Variants in POMGNT1 observed in about 807,000 individuals in gnomAD.
The protein encoded by POMGNT1 is protein O-linked mannose N-acetylglucosaminyltransferase 1 (beta 1,2-).
POMGNT1 carries 67 observed loss-of-function variants against 95.6 expected under a neutral mutation model. That is an observed-to-expected ratio of 0.70 (90% CI 0.58 to 0.86). The LOEUF (loss-of-function observed/expected upper bound fraction) is 0.86. POMGNT1 is among the 40% of genes least tolerant of loss of function. The pLI, the probability that POMGNT1 is intolerant of heterozygous loss-of-function variation, is 0.00. For missense variants in POMGNT1, 719 were observed against 855.2 expected, an observed-to-expected ratio of 0.84 and a Z score of 1.99; for synonymous variants, 298 against 317.9, an observed-to-expected ratio of 0.94 and a Z score of 0.66.
chr1:46,220,103 C>T (rs74072328), exon 1 of POMGNT1: 261 of 1,614,158 alleles, frequency 1.6e-4, no homozygotes, highest in African/African-American at 8.8e-4. Context: ...TGTGGAAGCC[C>T]CCAGGGGAGA....
At position 46,194,265 on chromosome 1, in the gene POMGNT1, C is replaced by A. The variant is rs1413491009; in HGVS notation, c.879+9G>T. The stretch of plus-strand genomic sequence containing the variant: ...AGTCCAAACCTCACTGTCTTAAGGC[C>A]CCACTCACTGGGTCAGGGCTGAACT... On this transcript the variant is annotated intron_variant, in intron 9 of 21. Coordinates refer to ENST00000371984, the MANE Select transcript of POMGNT1 (RefSeq NM_017739.4). 6.2e-7 allele frequency: 1 copy of A among 1,614,182 alleles called. No individual in the cohort carries two copies. The highest frequency in any genetic ancestry group is 1.3e-5 in the African/African-American group (1 of 75,046).
In POMGNT1 at chr1:46,193,345, T is replaced by A. The variant is rs374871234; in HGVS notation, c.1070A>T (p.Gln357Leu). 1.1e-4 allele frequency: 175 copies of A among 1,613,444 alleles called. No individual in the cohort carries two copies. Among genetic ancestry groups the A allele is most frequent in the African/African-American group, 4.0e-5 (3 of 74,902 alleles). ...ATTCTTGATGCTGATGGGAGTATGC[T>A]GGATGCCCCTCAGACCAAACAGTGC... ...VVALFGLRGIQHTPISIKNAR... is the reference protein window; with the variant it reads ...VVALFGLRGILHTPISIKNAR... Residue 357 changes from glutamine (Q) to leucine (L), a missense_variant, in exon 12 of 22, where the codon CAG becomes CTG. This residue lies in a region of POMGNT1 where 466 missense variants were observed against 517.4 expected (regional missense o/e 0.90). Transcript: ENST00000371984.
chr1:46,193,726 T>G, intron 10 of POMGNT1, 87 bp from the exon 11 acceptor site: 1 of 1,603,850 alleles, frequency 6.2e-7, no homozygotes, highest in Non-Finnish European at 8.5e-7. Flanking sequence ...AGAGTCCCTA[T>G]GCTTACCCAC....
chr1:46,203,516 G>T, intron 1 of POMGNT1: 2 of 1,561,080 alleles, frequency 1.3e-6, no homozygotes, highest in Non-Finnish European at 1.7e-6. Flanking sequence ...TGCTCCGCGG[G>T]CTGCGAGGCG....
upstream of POMGNT1, among the ~76,000 whole-genome samples, chr1:46,201,697 CAA>C (rs59930051): frequency 0.11 from 9,489 of 85,696 alleles, 270 homozygotes; most frequent in South Asian, 0.15. Context: ...GACTCCATCT[CAA>C]AAAAAAAAAA....
chr1:46,189,226 TG>T lies in POMGNT1; in HGVS notation c.*43del. On this transcript the variant is annotated 3_prime_UTR_variant, in exon 22 of 22. Transcript: ENST00000371984. ...GGATGGAGGGAAGGGCTAGCCAGCC[TG>T]GGGGTACACAGTACCCAGCCCCGCA... The T allele has an allele frequency of 2.5e-6, 4 of 1,586,286 alleles. No individual in the cohort carries two copies. Among genetic ancestry groups the T allele is most frequent in the Non-Finnish European group, 3.4e-6 (4 of 1,169,084 alleles).
intron 1 of POMGNT1, chr1:46,203,477 TA>T: frequency 6.6e-7 from 1 of 1,507,002 alleles, no homozygotes; most frequent in Admixed American, 2.2e-5. Flanking sequence ...ATGTGGAGGG[TA>T]AGGTGGGCAG....
At chr1:46,206,410 GC>G (rs1233620195) in intron 1 of POMGNT1, among the ~76,000 whole-genome samples, 2 of 152,102 alleles carry the variant, frequency 1.3e-5, no homozygotes, top group Admixed American at 6.5e-5. Flanking sequence ...TTTATATTGA[GC>G]AATGAGGAAA....
Position 46,193,548 on chromosome 1 carries a change from C to A in POMGNT1, c.1026+16G>T. ...ATGTTGTACTCCACCCGAGGCACCC[C>A]CCAAGTCCTGCTCACCTCATAGTAG... On this transcript the variant is annotated intron_variant, in intron 11 of 21. Coordinates refer to ENST00000371984, the MANE Select transcript of POMGNT1 (RefSeq NM_017739.4). 1 of 1,614,194 alleles carries A rather than the reference C, an allele frequency of 6.2e-7. No homozygotes were observed. Among genetic ancestry groups the A allele is most frequent in the East Asian group, 2.2e-5 (1 of 44,882 alleles).
chr1:46,202,985 T>G (rs114864376), upstream of POMGNT1, among the ~76,000 whole-genome samples: 711 of 147,582 alleles, frequency 4.8e-3, 4 homozygotes, highest in Middle Eastern at 0.035. Flanking sequence ...CATCGTTTTA[T>G]ACCCAATTCC....
chr1:46,197,379 G>A, intron 2 of POMGNT1: 1 of 1,483,422 alleles, frequency 6.7e-7, no homozygotes, highest in South Asian at 1.2e-5. Context: ...TTCTAGAGAT[G>A]GAGCCAGGCC....
At chr1:46,208,718 G>C (rs903960450) in intron 1 of POMGNT1, among the ~76,000 whole-genome samples, 1 of 152,092 alleles carries the variant, frequency 6.6e-6, no homozygotes, top group Admixed American at 6.6e-5. Flanking sequence ...TGGTGCACCT[G>C]TAATCCCAGC....
chr1:46,202,008 TTACTCC>T (rs1179839102), upstream of POMGNT1, among the ~76,000 whole-genome samples: 2 of 151,068 alleles, frequency 1.3e-5, no homozygotes, highest in Non-Finnish European at 2.9e-5. Context: ...AAGAGGATAG[TTACTCC>T]TACCCTACCC....
intron 12 of POMGNT1, 25 bp downstream of exon 12, chr1:46,193,280 C>G (rs1657937472): frequency 6.2e-7 from 1 of 1,613,808 alleles, no homozygotes; most frequent in Non-Finnish European, 8.5e-7. Context: ...GGTGTCTGCC[C>G]CATCCCCACT....
upstream of POMGNT1, chr1:46,203,360 A>G: frequency 7.2e-7 from 1 of 1,394,168 alleles, no homozygotes; most frequent in South Asian, 1.6e-5. Context: ...AGCAGCGGCG[A>G]AGGGAGGACC....
At chr1:46,197,979 T>A in intron 1 of POMGNT1, 108 bp from the exon 2 acceptor site, 1 of 1,109,092 alleles carries the variant, frequency 9.0e-7, no homozygotes, top group South Asian at 1.5e-5. Context: ...CAAGCACCCA[T>A]ACTGTGTGAC....
chr1:46,193,134 C>T (rs375331410), intron 13 of POMGNT1, 40 bp downstream of exon 13: 34 of 1,613,136 alleles, frequency 2.1e-5, no homozygotes, highest in Non-Finnish European at 2.8e-5. Context: ...GCCCATGTTT[C>T]CCCCCTCCCA....
In POMGNT1 at chr1:46,197,635, C is replaced by G. The variant is rs563938350; in HGVS notation, c.120+67G>C. The stretch of plus-strand genomic sequence containing the variant: ...GGGCTGGCCAACAGGGGTCCCAGTG[C>G]CTGATTTAGGTGGGGAGGAAGCTGG... On this transcript the variant is annotated intron_variant, in intron 2 of 21. Transcript: ENST00000371984. 2.9e-5 allele frequency: 47 copies of G among 1,606,870 alleles called. No homozygotes were observed. The East Asian group carries it at 1.0e-3, about 34-fold the overall frequency.
rs1226418659 is a variant in POMGNT1 at position 46,189,513 on chromosome 1, A to G, written c.1840T>C (p.Leu614=). Residue 614 remains leucine (L), a synonymous_variant, in exon 21 of 22, where the codon TTG becomes CTG. Coordinates refer to ENST00000371984, the MANE Select transcript of POMGNT1 (RefSeq NM_017739.4). Reference sequence around the variant, plus strand: ...AGGAAGTGGTTCTTCTTCCGAAACAATCTCCACAGGCCCCGATGGTTGCCA... The same window carrying G: ...AGGAAGTGGTTCTTCTTCCGAAACAGTCTCCACAGGCCCCGATGGTTGCCA... ...VRGNHRGLWR[L]FRKKNHFLMV... is the part of the protein sequence containing the mutation. 3.7e-6 allele frequency: 6 copies of G among 1,613,664 alleles called. No individual in the cohort carries two copies. The highest frequency in any genetic ancestry group is 5.1e-6 in the Non-Finnish European group (6 of 1,179,834).
Sources: gnomAD v4.1 joint callset for allele counts (sites outside exome capture counted in the v4.1 genomes callset) on GRCh38, gnomAD v4.1.1 for gene constraint, gnomAD v4.1.1 regional missense constraint, MANE v1.5 for transcripts, NCBI Gene and HGNC (gene_info 2026-07-23, HGNC 2026-07-21) for gene names.